Variants in RASGRP1 observed in about 807,000 individuals in gnomAD.
The protein encoded by RASGRP1 is RAS guanyl-releasing protein 1.
RASGRP1 carries 37 observed loss-of-function variants against 95.1 expected under a neutral mutation model. That is an observed-to-expected ratio of 0.39 (90% CI 0.30 to 0.51). The LOEUF (loss-of-function observed/expected upper bound fraction) is 0.51. RASGRP1 is among the 20% of genes least tolerant of loss of function. The pLI, the probability that RASGRP1 is intolerant of heterozygous loss-of-function variation, is 0.80. For synonymous variants in RASGRP1, 325 were observed against 353.4 expected, an observed-to-expected ratio of 0.92 and a Z score of 0.90; for missense variants, 711 against 965.4, an observed-to-expected ratio of 0.74 and a Z score of 3.49.
intron 1 of RASGRP1, among the ~76,000 whole-genome samples, chr15:38,561,452 A>G (rs1893806939): frequency 6.6e-6 from 1 of 152,272 alleles, no homozygotes; most frequent in Non-Finnish European, 1.5e-5. Flanking sequence ...GAGAAGAAAG[A>G]GGCAGTTTGT....
At chr15:38,527,237 T>C (rs536634296) in intron 2 of RASGRP1, among the ~76,000 whole-genome samples, 1 of 152,320 alleles carries the variant, frequency 6.6e-6, no homozygotes, top group East Asian at 1.9e-4. Context: ...GCCCACTCAC[T>C]TGCCAGCTGG....
intron 2 of RASGRP1, among the ~76,000 whole-genome samples, chr15:38,556,352 A>G (rs940404132): frequency 1.3e-5 from 2 of 152,192 alleles, no homozygotes; most frequent in African/African-American, 4.8e-5. Context: ...CTTAATTTAT[A>G]TGTACTAGCC....
chr15:38,503,408 A>T (rs568755685), intron 10 of RASGRP1, 32 bp from the exon 11 acceptor site: 1 of 1,438,130 alleles, frequency 7.0e-7, no homozygotes, highest in African/African-American at 1.4e-5. Context: ...AATCCTCATG[A>T]CTACAATGCA....
rs754384317 is a variant in RASGRP1, at chr15:38,502,464, G to A, written c.1429-43C>T. On this transcript the variant is annotated intron_variant, in intron 11 of 16. Transcript: ENST00000310803. Reference sequence around the variant, plus strand: ...TTTTGGTGATTACTAAAGAGAAACCGGTCTTCTCTCCCTTTAGTCAAATGA... The same window carrying A: ...TTTTGGTGATTACTAAAGAGAAACCAGTCTTCTCTCCCTTTAGTCAAATGA... 5.5e-5 allele frequency: 68 copies of A among 1,228,360 alleles called. No individual in the cohort carries two copies. The Middle Eastern group carries it at 5.6e-4, about 10-fold the overall frequency. The allele number at this position is 1,228,360 out of a possible 1,614,324, so 76.1% of individuals were successfully genotyped here.
chr15:38,512,646 G>T, intron 7 of RASGRP1, 137 bp downstream of exon 7: 1 of 1,029,028 alleles, frequency 9.7e-7, no homozygotes, highest in Non-Finnish European at 1.4e-6. Context: ...TCTGGTTGAA[G>T]GCACACAAAC....
In RASGRP1 at chr15:38,559,893, T is replaced by A; in HGVS notation, c.148A>T (p.Met50Leu). The A allele has an allele frequency of 6.2e-7, 1 of 1,613,806 alleles. No homozygotes were observed. The highest frequency in any genetic ancestry group is 8.5e-7 in the Non-Finnish European group (1 of 1,179,762). The change falls in exon 2 of 17, where the codon ATG becomes TTG. Residue 50 changes from methionine (M) to leucine (L), a missense_variant. This residue lies in a region of RASGRP1 where 491 missense variants were observed against 676.6 expected (regional missense o/e 0.73). Coordinates refer to ENST00000310803, the MANE Select transcript of RASGRP1 (RefSeq NM_005739.4). The part of the protein sequence containing the change: ...SLAHITQFRM[M>L]VSLGHLAKGA... The stretch of plus-strand genomic sequence containing the variant: ...TTGGCTAAATGTCCCAGAGACACCA[T>A]CATTCGGAACTGGGTGATGTGGGCC...
chr15:38,527,602 T>C (rs1892270984), intron 2 of RASGRP1, among the ~76,000 whole-genome samples: 1 of 152,192 alleles, frequency 6.6e-6, no homozygotes, highest in Admixed American at 6.5e-5. Flanking sequence ...GGAACTTCAA[T>C]TATTCAAGGC....
At chr15:38,537,303 A>C (rs1252959830) in intron 2 of RASGRP1, among the ~76,000 whole-genome samples, 1 of 152,184 alleles carries the variant, frequency 6.6e-6, no homozygotes, top group Non-Finnish European at 1.5e-5. Context: ...CTGCAGGCTG[A>C]ATAAGAAACA....
At chr15:38,538,920 G>A (rs1016203494) in intron 2 of RASGRP1, among the ~76,000 whole-genome samples, 5 of 152,192 alleles carry the variant, frequency 3.3e-5, no homozygotes, top group African/African-American at 9.7e-5. Context: ...CAGTTGTCAC[G>A]TAGGCACATG....
At chr15:38,522,506 G>A (rs750679346) in intron 3 of RASGRP1, among the ~76,000 whole-genome samples, 43 of 151,960 alleles carry the variant, frequency 2.8e-4, no homozygotes, top group Non-Finnish European at 5.3e-4. Context: ...TATGAGAAAC[G>A]CACTTTGACT....
chr15:38,503,232 C>G lies in RASGRP1; in HGVS notation c.1428+40G>C, dbSNP rs935970982. ...ACCCCACATACAAAACTGAGCCAGG[C>G]AATGCCTAGTTTTTGTGTGCTGAAC... is the stretch of plus-strand genomic sequence containing the variant. On this transcript the variant is annotated intron_variant, in intron 11 of 16. Coordinates refer to ENST00000310803, the MANE Select transcript of RASGRP1 (RefSeq NM_005739.4). The G allele has an allele frequency of 3.3e-6, 5 of 1,495,836 alleles. No homozygotes were observed. In the South Asian group the frequency reaches 5.9e-5, roughly 18 times the overall value. 92.7% of individuals were successfully genotyped at this position (1,495,836 alleles called of 1,614,324 possible). A position where few individuals can be genotyped will look rare whatever the true frequency, so the allele number is the denominator to read the frequency against.
intron 15 of RASGRP1, among the ~76,000 whole-genome samples, chr15:38,495,853 T>C (rs1890775736): frequency 6.6e-6 from 1 of 152,188 alleles, no homozygotes; most frequent in Non-Finnish European, 1.5e-5. Context: ...AATACAGTTA[T>C]ACATTCTTTT....
In RASGRP1 at chr15:38,502,400, G is replaced by A. The variant is rs1891068801; in HGVS notation, c.1450C>T (p.His484Tyr). The change falls in exon 12 of 17, where the codon CAC (histidine) becomes TAC (tyrosine). Residue 484 changes from histidine to tyrosine, a missense_variant. Physicochemically the swap from His to Tyr is moderately conservative, Grantham distance 83 (BLOSUM62 2). Coordinates refer to ENST00000310803, the MANE Select transcript of RASGRP1 (RefSeq NM_005739.4). ...TGAGAAATGTATCCATCCTGGTCGT[G>A]ATCATAGTTCTTGAAGACAGACTGT... ...MVDSVFKNYD[H>Y]DQDGYISQEE... 1 of 1,600,586 alleles carries A rather than the reference G, an allele frequency of 6.2e-7. No homozygotes were observed. Among genetic ancestry groups the A allele is most frequent in the Admixed American group, 1.7e-5 (1 of 59,920 alleles).
intron 2 of RASGRP1, among the ~76,000 whole-genome samples, chr15:38,553,066 A>AC (rs1398958833): frequency 3.9e-5 from 6 of 152,194 alleles, no homozygotes; most frequent in Admixed American, 2.0e-4. Context: ...ACAGCATTAA[A>AC]CCAAGCATGG....
intron 9 of RASGRP1, among the ~76,000 whole-genome samples, 163 bp downstream of exon 9, chr15:38,507,563 A>G (rs1250634673): frequency 1.3e-5 from 2 of 152,154 alleles, no homozygotes; most frequent in East Asian, 3.9e-4. Flanking sequence ...CTGGCAAGGT[A>G]TATCTTTGTG....
intron 1 of RASGRP1, among the ~76,000 whole-genome samples, chr15:38,562,710 C>T (rs750981004): frequency 6.6e-6 from 1 of 152,212 alleles, no homozygotes; most frequent in Non-Finnish European, 1.5e-5. Flanking sequence ...ACTGACAGAG[C>T]TCTTCCTGCT....
At chr15:38,508,896 C>T (rs979273984) in intron 8 of RASGRP1, among the ~76,000 whole-genome samples, 1 of 152,160 alleles carries the variant, frequency 6.6e-6, no homozygotes, top group Non-Finnish European at 1.5e-5. Flanking sequence ...ATAAGGAGTC[C>T]TCTCTTATCC....
chr15:38,519,937 C>G (rs147049094), intron 3 of RASGRP1, among the ~76,000 whole-genome samples: 27 of 152,176 alleles, frequency 1.8e-4, no homozygotes, highest in African/African-American at 5.5e-4. Context: ...GTAGACTGAC[C>G]TCATAGATTG....
chr15:38,501,753 C>G (rs1891033862), intron 12 of RASGRP1, among the ~76,000 whole-genome samples: 1 of 151,776 alleles, frequency 6.6e-6, no homozygotes, highest in East Asian at 1.9e-4. Flanking sequence ...TAGTTGTTTC[C>G]CAAAATCTGT....
Sources: allele counts gnomAD v4.1 joint callset (sites outside exome capture counted in the v4.1 genomes callset), GRCh38; gene constraint gnomAD v4.1.1; regional missense constraint gnomAD v4.1.1; transcripts MANE v1.5; gene names NCBI Gene and HGNC (gene_info 2026-07-23, HGNC 2026-07-21).